CDH10: variants seen among roughly 807,000 people sequenced by gnomAD.
The protein encoded by CDH10 is cadherin 10.
In CDH10, 30 loss-of-function variants were observed where a neutral mutation model predicts 73.1. That is an observed-to-expected ratio of 0.41 (90% CI 0.31 to 0.56). The LOEUF (loss-of-function observed/expected upper bound fraction) is 0.56. Among genes scored for constraint, CDH10 ranks in the 20% least tolerant of loss-of-function variants. The pLI, the probability that CDH10 is intolerant of heterozygous loss-of-function variation, is 0.27. For missense variants in CDH10, 815 were observed against 973.7 expected (o/e 0.84, Z 2.17); for synonymous variants, 345 against 348.2 (o/e 0.99, Z 0.10).
At chr5:24,555,988 C>A (rs1744756235) in intron 2 of CDH10, among the ~76,000 whole-genome samples, 1 of 152,034 alleles carries the variant, frequency 6.6e-6, no homozygotes. Context: ...CTAGGAGAAA[C>A]CTTATTGGAT....
At chr5:24,608,702 CTTAA>C (rs1354834608) in intron 1 of CDH10, among the ~76,000 whole-genome samples, 5 of 152,272 alleles carry the variant, frequency 3.3e-5, no homozygotes, top group Middle Eastern at 6.8e-3. Flanking sequence ...CATCCCATCA[CTTAA>C]TTAATTTGTT....
chr5:24,593,031 A>G (rs1169295969), intron 2 of CDH10, among the ~76,000 whole-genome samples: 5 of 151,904 alleles, frequency 3.3e-5, no homozygotes, highest in African/African-American at 1.2e-4. Flanking sequence ...TCTTTAATCC[A>G]TAAGTTATTG....
chr5:24,584,759 G>T (rs13360420), intron 2 of CDH10, among the ~76,000 whole-genome samples: 1 of 151,796 alleles, frequency 6.6e-6, no homozygotes, highest in Non-Finnish European at 1.5e-5. Flanking sequence ...GTGAGCTACC[G>T]TGCCCGACCT....
At chr5:24,596,331 T>C (rs2112102236) in intron 1 of CDH10, among the ~76,000 whole-genome samples, 1 of 152,050 alleles carries the variant, frequency 6.6e-6, no homozygotes, top group South Asian at 2.1e-4. Flanking sequence ...AGTCAATGCA[T>C]TGCTTTGCTG....
chr5:24,542,364 T>C (rs1364607486), intron 2 of CDH10, among the ~76,000 whole-genome samples: 1 of 152,218 alleles, frequency 6.6e-6, no homozygotes, highest in African/African-American at 2.4e-5. Flanking sequence ...ACAGATTGCA[T>C]AGACAACAGC....
At chr5:24,551,467 A>G (rs536223334) in intron 2 of CDH10, among the ~76,000 whole-genome samples, 1 of 152,196 alleles carries the variant, frequency 6.6e-6, no homozygotes, top group Non-Finnish European at 1.5e-5. Flanking sequence ...TTTAATTTTA[A>G]TATAGTCAAA....
chr5:24,638,844 T>C lies in CDH10; in HGVS notation c.-124+5750A>G, dbSNP rs549129278. 2.5e-4 allele frequency among the ~76,000 whole-genome samples: 38 copies of C among 151,968 alleles called. 1 individual carries two copies. In the South Asian group the frequency reaches 7.7e-3, roughly 31 times the overall value. On this transcript the variant is annotated intron_variant, in intron 1 of 11. Coordinates refer to ENST00000264463, the MANE Select transcript of CDH10 (RefSeq NM_006727.5). ...TTATTTGATGTAATAAGTTGACATA[T>C]ATTTTACTCCAATAGTTTCTTTTCT...
chr5:24,528,824 T>C (rs1445461299), intron 5 of CDH10, among the ~76,000 whole-genome samples: 1 of 151,982 alleles, frequency 6.6e-6, no homozygotes, highest in Non-Finnish European at 1.5e-5. Context: ...TCTTTCTAGG[T>C]GTAGTGCTTT....
intron 1 of CDH10, among the ~76,000 whole-genome samples, chr5:24,640,098 A>T (rs577285507): frequency 3.3e-5 from 5 of 152,000 alleles, no homozygotes; most frequent in African/African-American, 1.2e-4. Flanking sequence ...AGTGTAATAA[A>T]TATAATGTAT....
At chr5:24,514,097 T>C (rs1743018366) in intron 5 of CDH10, among the ~76,000 whole-genome samples, 1 of 152,208 alleles carries the variant, frequency 6.6e-6, no homozygotes, top group African/African-American at 2.4e-5. Context: ...TACAATAAAA[T>C]AAATTATTTG....
chr5:24,594,403 A>G (rs1205518485), intron 1 of CDH10, among the ~76,000 whole-genome samples: 1 of 151,582 alleles, frequency 6.6e-6, no homozygotes, highest in African/African-American at 2.4e-5. Context: ...TTCCTTAGAA[A>G]TCCATTAAAA....
chr5:24,530,621 A>G (rs1470728193), intron 5 of CDH10, among the ~76,000 whole-genome samples: 1 of 151,990 alleles, frequency 6.6e-6, no homozygotes, highest in Non-Finnish European at 1.5e-5. Flanking sequence ...TTGGTTGGAG[A>G]GCAGGAAAAT....
intron 5 of CDH10, among the ~76,000 whole-genome samples, chr5:24,514,073 T>G (rs1561134213): frequency 6.6e-6 from 1 of 152,170 alleles, no homozygotes; most frequent in Non-Finnish European, 1.5e-5. Context: ...TATCATTATT[T>G]GTATATTATT....
At chr5:24,588,370 A>G (rs190270361) in intron 2 of CDH10, among the ~76,000 whole-genome samples, 12 of 152,310 alleles carry the variant, frequency 7.9e-5, no homozygotes, top group Middle Eastern at 6.8e-3. Context: ...TATATTTAGT[A>G]AACAGTTGTT....
At chr5:24,500,700 A>T (rs1247911772) in intron 8 of CDH10, among the ~76,000 whole-genome samples, 1 of 152,232 alleles carries the variant, frequency 6.6e-6, no homozygotes, top group African/African-American at 2.4e-5. Flanking sequence ...AAAATTTCTT[A>T]TGAAAGTATC....
At chr5:24,550,814 T>C (rs1744516086) in intron 2 of CDH10, among the ~76,000 whole-genome samples, 1 of 152,138 alleles carries the variant, frequency 6.6e-6, no homozygotes, top group South Asian at 2.1e-4. Context: ...ATTTATTCCA[T>C]AAGAAAATCC....
chr5:24,509,532 C>A (rs774661677), intron 7 of CDH10, 34 bp downstream of exon 7: 4 of 1,605,934 alleles, frequency 2.5e-6, no homozygotes, highest in Non-Finnish European at 3.4e-6. Context: ...AGCCACCGAG[C>A]CCGGCTGTTT....
intron 8 of CDH10, among the ~76,000 whole-genome samples, chr5:24,503,872 C>T (rs1742588154): frequency 1.3e-5 from 2 of 152,032 alleles, no homozygotes; most frequent in South Asian, 2.1e-4. Context: ...TCCTGGGATT[C>T]CTCATCTGTA....
chr5:24,563,276 AG>A (rs1232941894), intron 2 of CDH10, among the ~76,000 whole-genome samples: 1 of 152,054 alleles, frequency 6.6e-6, no homozygotes, highest in African/African-American at 2.4e-5. Context: ...TATTTGGGTT[AG>A]GCATTTACAG....
Sources: gnomAD v4.1 joint callset for allele counts (sites outside exome capture counted in the v4.1 genomes callset) on GRCh38, gnomAD v4.1.1 for gene constraint, MANE v1.5 for transcripts, NCBI Gene and HGNC (gene_info 2026-07-23, HGNC 2026-07-21) for gene names.